Variants in ANK3 observed in about 807,000 individuals in gnomAD.
ANK3 encodes the protein ankyrin 3.
ANK3 carries 57 observed loss-of-function variants against 370.9 expected under a neutral mutation model. The observed-to-expected ratio is 0.15, with a 90% confidence interval of 0.12 to 0.19. ANK3 has a LOEUF of 0.19. Among genes scored for constraint, ANK3 ranks in the 10% least tolerant of loss-of-function variants. ANK3 has a pLI of 1.00. For synonymous variants in ANK3, 1,929 were observed against 1,946.3 expected (o/e 0.99, Z 0.23); for missense variants, 4,439 against 5,302.1 (o/e 0.84, Z 5.06).
intron 2 of ANK3, among the ~76,000 whole-genome samples, chr10:60,470,919 C>A (rs777448536): frequency 4.6e-5 from 7 of 151,966 alleles, no homozygotes; most frequent in East Asian, 1.9e-4. Flanking sequence ...CCAAACAAAC[C>A]CTTTTTCTCA....
chr10:60,038,755 T>G (rs988185136), intron 43 of ANK3, among the ~76,000 whole-genome samples: 1 of 152,164 alleles, frequency 6.6e-6, no homozygotes. Context: ...ACCTAACATA[T>G]TTGAAGAAAT....
chr10:60,692,066 AG>A (rs1335463265), intron 1 of ANK3, among the ~76,000 whole-genome samples: 2 of 152,226 alleles, frequency 1.3e-5, no homozygotes, highest in Non-Finnish European at 2.9e-5. Context: ...GACTGAACAA[AG>A]CTATGTGAAC....
At chr10:60,529,545 C>T (rs1474383115) in intron 2 of ANK3, among the ~76,000 whole-genome samples, 1 of 152,094 alleles carries the variant, frequency 6.6e-6, no homozygotes, top group Non-Finnish European at 1.5e-5. Flanking sequence ...TAAATACATA[C>T]ATATAGTAAG....
intron 7 of ANK3, among the ~76,000 whole-genome samples, chr10:60,250,392 T>C (rs2097635036): frequency 2.6e-5 from 4 of 152,034 alleles, no homozygotes; most frequent in Admixed American, 2.0e-4. Flanking sequence ...TGAGATGGAG[T>C]CTCGCTCTGT....
chr10:60,443,799 C>A (rs1160634971), intron 2 of ANK3, among the ~76,000 whole-genome samples: 3 of 152,130 alleles, frequency 2.0e-5, no homozygotes, highest in African/African-American at 7.2e-5. Flanking sequence ...CTCTTCAAAG[C>A]TTTTGTTTAA....
chr10:60,468,293 T>C (rs983969847), intron 2 of ANK3, among the ~76,000 whole-genome samples: 7 of 152,224 alleles, frequency 4.6e-5, no homozygotes, highest in African/African-American at 1.7e-4. Flanking sequence ...CTAAAAACTT[T>C]TCAAAAATAT....
At chr10:60,235,296 C>T (rs1194130315) in intron 7 of ANK3, among the ~76,000 whole-genome samples, 1 of 152,184 alleles carries the variant, frequency 6.6e-6, no homozygotes, top group Non-Finnish European at 1.5e-5. Flanking sequence ...CACATAACAT[C>T]CCATGCCCGT....
At chr10:60,225,796 C>T (rs1592029755) in intron 8 of ANK3, among the ~76,000 whole-genome samples, 2 of 151,764 alleles carry the variant, frequency 1.3e-5, no homozygotes, top group South Asian at 4.2e-4. Context: ...CCACTCTGTT[C>T]TTTGTGTTTA....
intron 2 of ANK3, among the ~76,000 whole-genome samples, chr10:60,538,344 C>T (rs1401929258): frequency 6.6e-6 from 1 of 151,868 alleles, no homozygotes; most frequent in Non-Finnish European, 1.5e-5. Context: ...GTACAAAAAT[C>T]TTAAAAGCCA....
In ANK3 at chr10:60,253,802, G is replaced by C. The variant is rs116547601; in HGVS notation, c.798+8057C>G. On this transcript the variant is annotated intron_variant, in intron 7 of 43. Transcript: ENST00000280772. The stretch of plus-strand genomic sequence containing the variant: ...AAAAGAAGTCTTTGTCTTTAATGCT[G>C]TTGAGCCTATACTAGGAGATAAACC... Among the ~76,000 whole-genome samples, 946 of 152,268 alleles carry C rather than the reference G, an allele frequency of 6.2e-3. 5 individuals carry two copies. The highest frequency in any genetic ancestry group is 0.019 in the African/African-American group (780 of 41,540).
At chr10:60,080,812 A>G (rs2085025956) in intron 35 of ANK3, among the ~76,000 whole-genome samples, 194 bp from the exon 36 acceptor site, 1 of 152,168 alleles carries the variant, frequency 6.6e-6, no homozygotes. Context: ...ATTTAAGAGC[A>G]CCAACACAGC....
chr10:60,399,961 G>A (rs538153314), intron 2 of ANK3, among the ~76,000 whole-genome samples: 19 of 151,758 alleles, frequency 1.3e-4, no homozygotes, highest in Admixed American at 1.1e-3. Flanking sequence ...AAATTAGCTT[G>A]AACAATCTAT....
At chr10:60,155,184 A>G (rs1293760868) in intron 23 of ANK3, among the ~76,000 whole-genome samples, 3 of 152,222 alleles carry the variant, frequency 2.0e-5, no homozygotes, top group Non-Finnish European at 4.4e-5. Flanking sequence ...AAAAGCTCAG[A>G]AAGACAGTCT....
intron 2 of ANK3, among the ~76,000 whole-genome samples, chr10:60,554,391 C>T (rs2077161411): frequency 6.6e-6 from 1 of 152,112 alleles, no homozygotes; most frequent in Non-Finnish European, 1.5e-5. Flanking sequence ...TCCTGCTGGG[C>T]TCCAAACTGG....
chr10:60,584,553 G>A (rs906256347), intron 2 of ANK3, among the ~76,000 whole-genome samples: 6 of 152,128 alleles, frequency 3.9e-5, no homozygotes, highest in African/African-American at 1.4e-4. Flanking sequence ...GGAGTTTGAG[G>A]CTGCAATGAG....
intron 1 of ANK3, among the ~76,000 whole-genome samples, chr10:60,719,026 T>C (rs1186443658): frequency 6.6e-6 from 1 of 152,144 alleles, no homozygotes; most frequent in African/African-American, 2.4e-5. Context: ...CAAAATTCCA[T>C]TCCCCTGAGA....
chr10:60,732,684 GAAAACAAAAC>G (rs901512388), intron 1 of ANK3, among the ~76,000 whole-genome samples: 1 of 151,904 alleles, frequency 6.6e-6, no homozygotes, highest in Admixed American at 6.6e-5. Context: ...TTTCAAAAAA[GAAAACAAAAC>G]AAAACAAACA....
intron 8 of ANK3, among the ~76,000 whole-genome samples, chr10:60,217,157 CTTCT>C (rs2096952674): frequency 6.6e-6 from 1 of 151,824 alleles, no homozygotes; most frequent in Non-Finnish European, 1.5e-5. Context: ...TCTCTCTTTT[CTTCT>C]TTATTAGTTT....
At chr10:60,176,712 T>G (rs2095971842) in intron 18 of ANK3, among the ~76,000 whole-genome samples, 1 of 151,994 alleles carries the variant, frequency 6.6e-6, no homozygotes, top group South Asian at 2.1e-4. Flanking sequence ...TGAGCCAAGA[T>G]CACACAACTG....
Sources: allele counts gnomAD v4.1 joint callset (sites outside exome capture counted in the v4.1 genomes callset), GRCh38; gene constraint gnomAD v4.1.1; transcripts MANE v1.5; gene names NCBI Gene and HGNC (gene_info 2026-07-23, HGNC 2026-07-21).